Variants in GRM7 observed in about 807,000 individuals in gnomAD.
GRM7 encodes glutamate metabotropic receptor 7, also known as metabotropic glutamate receptor 7.
A neutral mutation model predicts 84.5 loss-of-function variants in GRM7; 35 were observed. The ratio of observed to expected loss-of-function variants is 0.41; its 90% CI spans 0.32 to 0.55. The LOEUF is 0.55. GRM7 is among the 20% of genes least tolerant of loss of function. The pLI is 0.19. For missense variants in GRM7, 1,003 were observed against 1,194.6 expected, an observed-to-expected ratio of 0.84 and a Z score of 2.36; for synonymous variants, 487 against 455.1, an observed-to-expected ratio of 1.07 and a Z score of -0.89.
intron 5 of GRM7, among the ~76,000 whole-genome samples, chr3:7,444,511 C>A (rs1697422333): frequency 6.6e-6 from 1 of 152,168 alleles, no homozygotes; most frequent in Non-Finnish European, 1.5e-5. Flanking sequence ...GTTTTAGTGA[C>A]AAACGGTGTT....
intron 1 of GRM7, among the ~76,000 whole-genome samples, chr3:6,956,166 A>G (rs17046455): frequency 0.032 from 4,839 of 152,296 alleles, 267 homozygotes; most frequent in African/African-American, 0.11. Context: ...CAGGCGGGAA[A>G]ATAACTCTCT....
At chr3:7,234,747 A>T (rs1382389315) in intron 2 of GRM7, among the ~76,000 whole-genome samples, 2 of 152,200 alleles carry the variant, frequency 1.3e-5, no homozygotes, top group African/African-American at 4.8e-5. Context: ...ATTGCAAAAC[A>T]CTGTTATGGA....
chr3:7,618,206 G>C (rs1043137952), intron 8 of GRM7, among the ~76,000 whole-genome samples: 8 of 151,992 alleles, frequency 5.3e-5, no homozygotes, highest in African/African-American at 1.9e-4. Flanking sequence ...AAGAAGCTGG[G>C]GGTTTTAGTA....
chr3:7,338,473 T>C lies in GRM7; in HGVS notation c.1033+31821T>C, dbSNP rs953206514. 3.9e-5 allele frequency among the ~76,000 whole-genome samples: 6 copies of C among 152,018 alleles called. No homozygotes were observed. In the East Asian group the frequency reaches 1.2e-3, roughly 29 times the overall value. ...CTTATTCATGTAGCTGAACACCACC[T>C]GTTCCCCAGAAGCTATTGAAATAAA... On this transcript the variant is annotated intron_variant, in intron 4 of 9. Transcript: ENST00000357716.
At chr3:7,332,817 C>A (rs1508715) in intron 4 of GRM7, among the ~76,000 whole-genome samples, 1 of 152,120 alleles carries the variant, frequency 6.6e-6, no homozygotes, top group East Asian at 1.9e-4. Context: ...CCCCACCCAA[C>A]GAGAGTCTGA....
intron 5 of GRM7, among the ~76,000 whole-genome samples, chr3:7,436,844 C>T (rs1697076406): frequency 6.6e-6 from 1 of 152,166 alleles, no homozygotes; most frequent in African/African-American, 2.4e-5. Flanking sequence ...TGTGTTGTTT[C>T]CTTGCTTGCA....
chr3:7,685,374 A>G (rs551915421), intron 9 of GRM7, among the ~76,000 whole-genome samples: 63 of 152,306 alleles, frequency 4.1e-4, no homozygotes, highest in African/African-American at 1.5e-3. Flanking sequence ...TAATGCCCGC[A>G]AGCCGTGCAG....
chr3:7,156,676 G>T (rs1384345246), intron 2 of GRM7, among the ~76,000 whole-genome samples: 1 of 152,150 alleles, frequency 6.6e-6, no homozygotes, highest in African/African-American at 2.4e-5. Context: ...AGTGTAAACT[G>T]CATGGATTAG....
rs182156502 is a variant in GRM7, at chr3:7,648,164, C to G, written c.2452-31885C>G. Among the ~76,000 whole-genome samples the G allele has an allele frequency of 2.1e-4, 32 of 151,420 alleles. No homozygotes were observed. The East Asian group carries it at 5.9e-3, about 28-fold the overall frequency. On this transcript the variant is annotated intron_variant, in intron 8 of 9. Transcript: ENST00000357716. ...TCTTCTTTAAGAGTTTTGGGGGCTCCCAAAAAAGATTCTGAGAAAGAAATG... is the reference window on the plus strand; with the variant it reads ...TCTTCTTTAAGAGTTTTGGGGGCTCGCAAAAAAGATTCTGAGAAAGAAATG...
At chr3:7,098,895 T>C (rs950573651) in intron 1 of GRM7, among the ~76,000 whole-genome samples, 3 of 151,922 alleles carry the variant, frequency 2.0e-5, no homozygotes, top group African/African-American at 7.2e-5. Context: ...CTTTCTCCCA[T>C]TGAGAAATAA....
intron 7 of GRM7, among the ~76,000 whole-genome samples, chr3:7,564,509 C>T (rs1433479830): frequency 6.6e-6 from 1 of 152,090 alleles, no homozygotes; most frequent in East Asian, 1.9e-4. Flanking sequence ...CACTTTACAT[C>T]TGCAGGGTCT....
intron 1 of GRM7, among the ~76,000 whole-genome samples, chr3:6,934,599 G>T (rs1267256808): frequency 6.6e-6 from 1 of 152,128 alleles, no homozygotes; most frequent in African/African-American, 2.4e-5. Context: ...TTTTGGAAGA[G>T]ATTTGACAGA....
intron 1 of GRM7, among the ~76,000 whole-genome samples, chr3:7,040,568 G>T (rs1696562990): frequency 6.6e-6 from 1 of 151,870 alleles, no homozygotes; most frequent in South Asian, 2.1e-4. Flanking sequence ...CTCCCAAAGT[G>T]CTAGGATTAC....
chr3:7,639,954 T>A (rs555397914), intron 8 of GRM7, among the ~76,000 whole-genome samples: 14 of 152,342 alleles, frequency 9.2e-5, no homozygotes, highest in African/African-American at 2.6e-4. Context: ...TCATTCAGTA[T>A]ATACTCTTTT....
At chr3:7,559,008 G>C (rs1192721259) in intron 7 of GRM7, among the ~76,000 whole-genome samples, 1 of 152,022 alleles carries the variant, frequency 6.6e-6, no homozygotes. Context: ...TTTTGGTGTT[G>C]ATTTTGTTTA....
intron 7 of GRM7, among the ~76,000 whole-genome samples, chr3:7,571,300 T>A (rs1049582628): frequency 4.6e-5 from 7 of 152,164 alleles, no homozygotes; most frequent in Non-Finnish European, 1.0e-4. Flanking sequence ...GGCTGCAGAT[T>A]TTCCATGCTT....
intron 5 of GRM7, among the ~76,000 whole-genome samples, chr3:7,430,256 C>A (rs190961041): frequency 6.6e-6 from 1 of 152,278 alleles, no homozygotes; most frequent in Admixed American, 6.5e-5. Context: ...ATTCCTGTGG[C>A]CTTCTGAACT....
chr3:7,157,106 G>C (rs1402561986), intron 2 of GRM7, among the ~76,000 whole-genome samples: 2 of 152,018 alleles, frequency 1.3e-5, no homozygotes, highest in Non-Finnish European at 2.9e-5. Context: ...GTGTCTTCAG[G>C]GTACCACCAG....
At chr3:7,434,627 C>A (rs908624586) in intron 5 of GRM7, among the ~76,000 whole-genome samples, 1 of 152,008 alleles carries the variant, frequency 6.6e-6, no homozygotes, top group African/African-American at 2.4e-5. Flanking sequence ...AGTTTGCAGT[C>A]CTAGGATAAA....
Sources: allele counts gnomAD v4.1 joint callset (sites outside exome capture counted in the v4.1 genomes callset), GRCh38; gene constraint gnomAD v4.1.1; transcripts MANE v1.5; gene names NCBI Gene and HGNC (gene_info 2026-07-23, HGNC 2026-07-21).